Variants in LRBA observed in about 807,000 individuals in gnomAD.
LRBA encodes LPS responsive beige-like anchor protein.
In LRBA, 176 loss-of-function variants were observed where a neutral mutation model predicts 330.0. That is an observed-to-expected ratio of 0.53 (90% CI 0.47 to 0.60). LRBA has a LOEUF of 0.60. Among genes scored for constraint, LRBA ranks in the 20% least tolerant of loss-of-function variants. The pLI, the probability that LRBA is intolerant of heterozygous loss-of-function variation, is 0.00. For missense variants in LRBA, 3,259 were observed against 3,444.8 expected (o/e 0.95, Z 1.35); for synonymous variants, 1,230 against 1,193.0 (o/e 1.03, Z -0.64).
At chr4:151,010,838 C>T (rs1229860699) in intron 2 of LRBA, among the ~76,000 whole-genome samples, 8 of 147,934 alleles carry the variant, frequency 5.4e-5, no homozygotes, top group Non-Finnish European at 7.4e-5. Context: ...GAGCTGAGAT[C>T]GCACCACTGC....
intron 47 of LRBA, among the ~76,000 whole-genome samples, chr4:150,379,830 G>A (rs1406542263): frequency 1.3e-5 from 2 of 152,014 alleles, no homozygotes; most frequent in South Asian, 2.1e-4. Flanking sequence ...AAGCCAAATA[G>A]AAAGCAAACC....
At chr4:150,808,445 A>T in intron 31 of LRBA, 47 bp from the exon 32 acceptor site, 1 of 1,040,912 alleles carries the variant, frequency 9.6e-7, no homozygotes, top group Non-Finnish European at 1.5e-6. Context: ...GCTTTTAGAT[A>T]TGAAGATTTA....
At chr4:150,299,048 T>C (rs898029175) in intron 53 of LRBA, among the ~76,000 whole-genome samples, 4 of 152,100 alleles carry the variant, frequency 2.6e-5, no homozygotes, top group Non-Finnish European at 5.9e-5. Context: ...GTTTAAAGTA[T>C]TTATTTATCA....
chr4:150,512,217 G>A (rs189638435), intron 40 of LRBA, among the ~76,000 whole-genome samples: 2 of 152,268 alleles, frequency 1.3e-5, no homozygotes, highest in Admixed American at 6.5e-5. Flanking sequence ...TCAGCCCCTG[G>A]TAAGGGCATT....
chr4:150,659,757 C>A (rs1581959477), intron 37 of LRBA, among the ~76,000 whole-genome samples: 1 of 15,068 alleles, frequency 6.6e-5, no homozygotes, highest in African/African-American at 9.2e-5. Context: ...GCCAGCCGCC[C>A]CGTCCGGGAG....
At chr4:150,995,164 C>T (rs1007101840) in intron 2 of LRBA, among the ~76,000 whole-genome samples, 3 of 151,952 alleles carry the variant, frequency 2.0e-5, no homozygotes, top group South Asian at 2.1e-4. Context: ...TTCATACTAC[C>T]TATGTGGTCT....
chr4:150,348,564 G>C (rs1260291337), intron 48 of LRBA, among the ~76,000 whole-genome samples: 4 of 152,058 alleles, frequency 2.6e-5, no homozygotes, highest in Non-Finnish European at 5.9e-5. Flanking sequence ...CAATATGCTG[G>C]TATATTAAAT....
chr4:150,733,576 TCACA>T (rs34846017), intron 36 of LRBA, among the ~76,000 whole-genome samples: 228 of 144,596 alleles, frequency 1.6e-3, no homozygotes, highest in South Asian at 2.5e-3. Flanking sequence ...TCTCTCTCTC[TCACA>T]CACACACACA....
chr4:150,278,238 T>G (rs921439401), intron 55 of LRBA, among the ~76,000 whole-genome samples: 8 of 152,192 alleles, frequency 5.3e-5, no homozygotes, highest in Admixed American at 1.3e-4. Context: ...AAATACTAGG[T>G]AGCAAACTCT....
Position 150,838,043 on chromosome 4 carries a change from C to T in LRBA, c.4569+6057G>A, listed in dbSNP as rs562038335. Among the ~76,000 whole-genome samples, 650 of 152,242 alleles carry T rather than the reference C, an allele frequency of 4.3e-3. 4 individuals carry two copies. The highest frequency in any genetic ancestry group is 0.015 in the African/African-American group (628 of 41,538). ...TGTAAAGGATTTTATTTCTCCTTCA[C>T]TTATGAAGCTTAGTTTGGCTGGATA... On this transcript the variant is annotated intron_variant, in intron 28 of 56. Coordinates refer to ENST00000651943, the MANE Select transcript of LRBA (RefSeq NM_001364905.1).
At chr4:151,012,858 T>C (rs1335297938) in intron 2 of LRBA, 5 of 149,434 alleles carry the variant, frequency 3.3e-5, no homozygotes, top group African/African-American at 1.2e-4. Flanking sequence ...CCACCCAGGC[T>C]GGAGTGCATT....
intron 36 of LRBA, among the ~76,000 whole-genome samples, chr4:150,704,206 G>A (rs1455352996): frequency 6.6e-6 from 1 of 151,846 alleles, no homozygotes; most frequent in African/African-American, 2.4e-5. Flanking sequence ...AGAGCCAGAC[G>A]CCGACTCAAA....
At chr4:150,479,038 C>T (rs1300803364) in intron 42 of LRBA, among the ~76,000 whole-genome samples, 5 of 151,926 alleles carry the variant, frequency 3.3e-5, no homozygotes, top group African/African-American at 7.3e-5. Context: ...AATCCCAGCA[C>T]TTTAGGAGGC....
At chr4:150,489,178 T>C (rs371757513) in intron 41 of LRBA, among the ~76,000 whole-genome samples, 1 of 24,448 alleles carries the variant, frequency 4.1e-5, no homozygotes, top group Non-Finnish European at 1.3e-4. Flanking sequence ...TATATATAAG[T>C]ATATAATATA....
chr4:150,345,813 C>T (rs557039350), intron 48 of LRBA, among the ~76,000 whole-genome samples: 8 of 152,158 alleles, frequency 5.3e-5, no homozygotes, highest in African/African-American at 1.9e-4. Flanking sequence ...TTCCCCTCAA[C>T]CTTTTTTTTT....
intron 2 of LRBA, among the ~76,000 whole-genome samples, chr4:150,930,969 A>G (rs1301099834): frequency 1.3e-5 from 2 of 152,204 alleles, no homozygotes; most frequent in Non-Finnish European, 2.9e-5. Flanking sequence ...TAAGCTATCT[A>G]TTATACTATG....
intron 40 of LRBA, chr4:150,579,515 T>C: frequency 2.6e-6 from 1 of 385,140 alleles, no homozygotes; most frequent in Admixed American, 3.2e-5. Flanking sequence ...TACTAGAGCA[T>C]CTACCTAAGA....
intron 37 of LRBA, among the ~76,000 whole-genome samples, chr4:150,672,750 C>A (rs1159508049): frequency 2.6e-5 from 4 of 152,072 alleles, no homozygotes; most frequent in African/African-American, 9.7e-5. Context: ...CTCAAAGCAA[C>A]AATCTGTTAA....
intron 30 of LRBA, among the ~76,000 whole-genome samples, chr4:150,822,299 T>C (rs1745558764): frequency 6.6e-6 from 1 of 152,154 alleles, no homozygotes; most frequent in East Asian, 1.9e-4. Context: ...AAGACATCAG[T>C]AAGGCACAAA....
Sources: gnomAD v4.1 joint callset for allele counts (sites outside exome capture counted in the v4.1 genomes callset) on GRCh38, gnomAD v4.1.1 for gene constraint, MANE v1.5 for transcripts, NCBI Gene and HGNC (gene_info 2026-07-23, HGNC 2026-07-21) for gene names.